Variants in ADCY10 observed in about 807,000 individuals in gnomAD.
ADCY10 encodes adenylate cyclase 10, also known as adenylate cyclase type 10.
In ADCY10, 156 loss-of-function variants were observed where a neutral mutation model predicts 183.3. The observed-to-expected ratio is 0.85, with a 90% CI of 0.75 to 0.97. The LOEUF (loss-of-function observed/expected upper bound fraction) is 0.97, where lower values mean the gene tolerates loss of function less well. ADCY10 is among the 50% of genes least tolerant of loss of function. The probability of loss-of-function intolerance (pLI) is 0.00; values close to 1 mark genes in which losing one functional copy is unlikely to be tolerated. For missense variants in ADCY10, 1,745 were observed against 1,934.3 expected (o/e 0.90, Z 1.84); for synonymous variants, 645 against 670.0 (o/e 0.96, Z 0.58).
intron 21 of ADCY10, among the ~76,000 whole-genome samples, chr1:167,841,630 G>A (rs10918780): frequency 0.31 from 47,590 of 151,092 alleles, 10,082 homozygotes; most frequent in African/African-American, 0.61. Context: ...GAGTAGCTGG[G>A]ACTACAGGCA....
rs577316459 is a variant in ADCY10, at chr1:167,893,602, A to G, written c.828+251T>C. Among the ~76,000 whole-genome samples, 12 of 148,248 alleles carry G rather than the reference A, an allele frequency of 8.1e-5. No homozygotes were observed. The Middle Eastern group carries it at 0.017, about 214-fold the overall frequency. Reference sequence around the variant, plus strand: ...GGTGGCGCATGTGGGAGGCTGAGGCAGGAGAATTGCTTGAACCCGGGAGGC... The same window carrying G: ...GGTGGCGCATGTGGGAGGCTGAGGCGGGAGAATTGCTTGAACCCGGGAGGC... On this transcript the variant is annotated intron_variant, in intron 8 of 32. Coordinates refer to ENST00000367851, the MANE Select transcript of ADCY10 (RefSeq NM_018417.6).
At chr1:167,890,872 G>A (rs1295500980) in intron 8 of ADCY10, among the ~76,000 whole-genome samples, 1 of 152,178 alleles carries the variant, frequency 6.6e-6, no homozygotes, top group Non-Finnish European at 1.5e-5. Flanking sequence ...GTATGGAGAA[G>A]TAACACAGCT....
At chr1:167,866,819 G>C (rs1190622667) in intron 14 of ADCY10, among the ~76,000 whole-genome samples, 4 of 150,960 alleles carry the variant, frequency 2.6e-5, no homozygotes, top group Non-Finnish European at 5.9e-5. Flanking sequence ...AACCCAGACT[G>C]TAGGGCTCTG....
At chr1:167,818,495 A>C in intron 30 of ADCY10, 1 of 630,270 alleles carries the variant, frequency 1.6e-6, no homozygotes, top group Non-Finnish European at 2.9e-6. Context: ...AATCCTTGGA[A>C]ACACTCAGGT....
Position 167,824,840 on chromosome 1 carries a change from G to A in ADCY10, c.3766C>T (p.Leu1256=), listed in dbSNP as rs1663164208. The change falls in exon 27 of 33, where the codon CTA becomes TTA. Residue 1256 remains leucine, a synonymous_variant. Coordinates refer to ENST00000367851, the MANE Select transcript of ADCY10 (RefSeq NM_018417.6). ...QNCFQIIKAY[L]DYSLYHHLAG... ...AGGTGGTGGTATAGCGAATAGTCTAGGTAAGCCTTAATGATCTGAAATGGC... is the reference window on the plus strand; with the variant it reads ...AGGTGGTGGTATAGCGAATAGTCTAAGTAAGCCTTAATGATCTGAAATGGC... The A allele has an allele frequency of 6.2e-7, 1 of 1,614,150 alleles. No homozygotes were observed.
intron 22 of ADCY10, 32 bp downstream of exon 22, chr1:167,837,217 T>G (rs776702635): frequency 6.5e-7 from 1 of 1,543,482 alleles, no homozygotes; most frequent in Non-Finnish European, 9.0e-7. Flanking sequence ...TTATTTATGC[T>G]CTACTTCCTA....
intron 17 of ADCY10, 90 bp downstream of exon 17, chr1:167,856,075 A>G (rs1665867472): frequency 2.1e-6 from 3 of 1,453,796 alleles, no homozygotes; most frequent in South Asian, 1.2e-5. Flanking sequence ...AAATAGGCAC[A>G]TCAAGACACA....
intron 8 of ADCY10, among the ~76,000 whole-genome samples, chr1:167,888,670 A>G (rs1199170759): frequency 1.3e-5 from 2 of 151,974 alleles, no homozygotes; most frequent in Non-Finnish European, 2.9e-5. Flanking sequence ...AGGTCAGGAG[A>G]TCGAGACCAT....
chr1:167,905,058 T>C lies in ADCY10; in HGVS notation c.83A>G (p.His28Arg). 3 of 1,614,188 alleles carry C rather than the reference T, an allele frequency of 1.9e-6. No individual in the cohort carries two copies. The highest frequency in any genetic ancestry group is 2.5e-6 in the Non-Finnish European group (3 of 1,180,034). Reference protein sequence around the residue: ...AHLPDLIVYGHFSPERPFMDY... With the variant: ...AHLPDLIVYGRFSPERPFMDY... The stretch of plus-strand genomic sequence containing the variant: ...CATAAAGGGTCGCTCTGGGGAGAAA[T>C]GTCCATAGACAATGAGGTCTGGTAA... The change falls in exon 2 of 33, where the codon CAT (histidine) becomes CGT (arginine). Residue 28 changes from histidine to arginine, a missense_variant. Transcript: ENST00000367851.
intron 13 of ADCY10, among the ~76,000 whole-genome samples, chr1:167,872,798 G>A (rs900975173): frequency 2.0e-5 from 3 of 150,210 alleles, no homozygotes; most frequent in South Asian, 2.2e-4. Context: ...TAGGCTGCAC[G>A]CAGTGGCTCA....
At position 167,870,226 on chromosome 1, in the gene ADCY10, T is replaced by C. The variant is rs1302741403; in HGVS notation, c.1616+31A>G. Reference sequence around the variant, plus strand: ...CAAAATAAATCAGGATTCTATGGGTTCACACAGAACAATCATTCCAAGACA... The same window carrying C: ...CAAAATAAATCAGGATTCTATGGGTCCACACAGAACAATCATTCCAAGACA... On this transcript the variant is annotated intron_variant, in intron 14 of 32. Transcript: ENST00000367851. 3 of 1,613,268 alleles carry C rather than the reference T, an allele frequency of 1.9e-6. No homozygotes were observed. In the African/African-American group the frequency reaches 4.0e-5, roughly 22 times the overall value.
intron 19 of ADCY10, among the ~76,000 whole-genome samples, chr1:167,847,404 A>ATCTT (rs147098890): frequency 0.33 from 49,876 of 150,472 alleles, 8,363 homozygotes; most frequent in Admixed American, 0.38. Context: ...ATAATAATAC[A>ATCTT]TCTTTCTTTC....
chr1:167,898,676 A>T (rs535508663), intron 6 of ADCY10, among the ~76,000 whole-genome samples: 2 of 151,850 alleles, frequency 1.3e-5, no homozygotes, highest in Admixed American at 1.3e-4. Flanking sequence ...TGCAGGCTGG[A>T]TATGTCTTGC....
chr1:167,896,651 T>C lies in ADCY10; in HGVS notation c.683A>G (p.Glu228Gly), dbSNP rs1301954160. 4 of 1,613,630 alleles carry C rather than the reference T, an allele frequency of 2.5e-6. No homozygotes were observed. The South Asian group carries it at 3.3e-5, about 13-fold the overall frequency. The change falls in exon 7 of 33, where the codon GAA (glutamate) becomes GGA (glycine). Residue 228 changes from glutamate to glycine, a missense_variant. Glu to Gly is a moderately conservative substitution (Grantham distance 98). Transcript: ENST00000367851. Reference protein sequence around the residue: ...LKPPPNFNFDEFFTKCTTFMH... With the variant: ...LKPPPNFNFDGFFTKCTTFMH... ...GAAGGTCGTACACTTTGTGAAAAAT[T>C]CATCAAAATTAAAATTGGGGGGTGG...
intron 26 of ADCY10, among the ~76,000 whole-genome samples, chr1:167,825,734 A>T (rs1663240488): frequency 6.6e-6 from 1 of 152,178 alleles, no homozygotes; most frequent in Non-Finnish European, 1.5e-5. Flanking sequence ...GGCTGCAGTG[A>T]GCCATGATCA....
At chr1:167,848,049 T>C (rs1195165492) in intron 19 of ADCY10, among the ~76,000 whole-genome samples, 4 of 151,896 alleles carry the variant, frequency 2.6e-5, no homozygotes, top group Admixed American at 2.6e-4. Flanking sequence ...GACTAGAAAA[T>C]AAATACCAGG....
intron 18 of ADCY10, among the ~76,000 whole-genome samples, chr1:167,852,246 C>T (rs1056247600): frequency 6.6e-6 from 1 of 152,052 alleles, no homozygotes; most frequent in Non-Finnish European, 1.5e-5. Context: ...AGTTCAAGAC[C>T]AGCCTGGCCA....
At chr1:167,874,293 T>G (rs1206183201) in intron 13 of ADCY10, among the ~76,000 whole-genome samples, 1 of 152,174 alleles carries the variant, frequency 6.6e-6, no homozygotes, top group Non-Finnish European at 1.5e-5. Flanking sequence ...ATTGCTCCTT[T>G]GTACTCCAGC....
intron 31 of ADCY10, among the ~76,000 whole-genome samples, chr1:167,817,757 G>A (rs1662618192): frequency 6.6e-6 from 1 of 152,022 alleles, no homozygotes. Context: ...CTTTTAAATC[G>A]TGATGTGAAA....
Sources: allele counts gnomAD v4.1 joint callset (sites outside exome capture counted in the v4.1 genomes callset), GRCh38; gene constraint gnomAD v4.1.1; transcripts MANE v1.5; gene names NCBI Gene and HGNC (gene_info 2026-07-23, HGNC 2026-07-21).